GOLGA8S: variants seen among roughly 807,000 people sequenced by gnomAD.
GOLGA8S encodes the protein golgin A8 family member S.
Under a neutral mutation model 58.9 loss-of-function variants are expected in GOLGA8S, and 23 were observed. That is an observed-to-expected ratio of 0.39 (90% CI 0.28 to 0.55). The LOEUF is 0.55. Ranked by LOEUF, GOLGA8S falls within the 20% of genes least tolerant of loss-of-function variation. GOLGA8S has a pLI of 0.63. For missense variants in GOLGA8S, 266 were observed against 514.2 expected (o/e 0.52, Z 4.67); for synonymous variants, 84 against 195.7 (o/e 0.43, Z 4.76).
chr15:23,360,695 C>T (rs1327703296), intron 10 of GOLGA8S, 33 bp from the exon 11 acceptor site: 1 of 1,108,392 alleles, frequency 9.0e-7, no homozygotes. Flanking sequence ...CAGCCCCTCT[C>T]TCCAGGGCCC....
At chr15:23,364,105 G>GT (rs577894944) in intron 15 of GOLGA8S, among the ~76,000 whole-genome samples, 2,280 of 129,732 alleles carry the variant, frequency 0.018, 148 homozygotes, top group East Asian at 0.053. Context: ...AGCAGAGGGT[G>GT]GCTGCCAGCG....
exon 4 of GOLGA8S, chr15:23,357,563 G>A: frequency 8.7e-7 from 1 of 1,154,138 alleles, no homozygotes; most frequent in South Asian, 1.3e-5. Context: ...ACTAGCAGTA[G>A]TCCCAGACTC....
At chr15:23,361,154 C>G (rs1244862329) in intron 11 of GOLGA8S, 67 bp from the exon 12 acceptor site, 1 of 968,818 alleles carries the variant, frequency 1.0e-6, no homozygotes, top group Non-Finnish European at 1.4e-6. Context: ...CTTTTCTTTT[C>G]TTTTCTTTTC....
chr15:23,358,078 C>T (rs1480662539), intron 4 of GOLGA8S, among the ~76,000 whole-genome samples: 1 of 151,136 alleles, frequency 6.6e-6, no homozygotes, highest in Non-Finnish European at 1.5e-5. Flanking sequence ...GCCAAAGGCT[C>T]CTGTCTGTCC....
chr15:23,357,785 C>CT (rs1241628857), intron 4 of GOLGA8S, among the ~76,000 whole-genome samples, 166 bp downstream of exon 4: 2 of 149,110 alleles, frequency 1.3e-5, no homozygotes, highest in Admixed American at 6.7e-5. Flanking sequence ...CAGCATGGCT[C>CT]TTTTTTTGCT....
chr15:23,354,962 A>G (rs571749513), intron 1 of GOLGA8S, 69 bp downstream of exon 1: 1 of 395,712 alleles, frequency 2.5e-6, no homozygotes, highest in African/African-American at 3.2e-5. Context: ...GACTGCTGCC[A>G]GAGTCCATAC....
Position 23,357,494 on chromosome 15 carries a change from T to TC in GOLGA8S, c.229-39dup, listed in dbSNP as rs1567266610. On this transcript the variant is annotated intron_variant, in intron 3 of 18. Transcript: ENST00000562295. ...CCCTAATGATTGTTCTCTCTACCTC[T>TC]CCCCCCACTCCTCCTCCACCTCCTC... is the stretch of plus-strand genomic sequence containing the variant. 2.0e-6 allele frequency: 3 copies of TC among 1,532,782 alleles called. 1 individual carries two copies. The highest frequency in any genetic ancestry group is 2.4e-5 in the South Asian group (2 of 84,048). 94.9% of individuals were successfully genotyped at this position (1,532,782 alleles called of 1,614,324 possible).
chr15:23,368,204 G>A (rs540232188), downstream of GOLGA8S, among the ~76,000 whole-genome samples: 2 of 151,902 alleles, frequency 1.3e-5, no homozygotes, highest in African/African-American at 4.8e-5. Context: ...TTACCAGTTT[G>A]TGAATTCTTG....
chr15:23,361,889 C>G (rs2069809863), intron 13 of GOLGA8S, 97 bp downstream of exon 13: 7 of 919,328 alleles, frequency 7.6e-6, no homozygotes, highest in East Asian at 2.4e-5. Context: ...AGCGGTAGCT[C>G]CAGCCCAGGG....
chr15:23,361,543 C>G, intron 12 of GOLGA8S, 87 bp downstream of exon 12: 1 of 677,312 alleles, frequency 1.5e-6, no homozygotes, highest in Non-Finnish European at 2.6e-6. Flanking sequence ...CAGTGTAGCC[C>G]TCAAGTGAAA....
At chr15:23,359,341 T>G in intron 8 of GOLGA8S, 132 bp downstream of exon 8, 1 of 655,964 alleles carries the variant, frequency 1.5e-6, no homozygotes, top group South Asian at 1.6e-5. Context: ...TGCTTTTTTG[T>G]ATGGTTGTTA....
chr15:23,364,467 C>T (rs559078529), intron 16 of GOLGA8S, 24 bp downstream of exon 16: 13 of 1,604,126 alleles, frequency 8.1e-6, no homozygotes, highest in Non-Finnish European at 1.0e-5. Flanking sequence ...CAGGGCACAG[C>T]AGGGGGAGCT....
At position 23,360,832 on chromosome 15, in the gene GOLGA8S, G is replaced by C; in HGVS notation, c.874+17G>C. On this transcript the variant is annotated intron_variant, in intron 11 of 18. Transcript: ENST00000562295. Reference sequence around the variant, plus strand: ...ACCAGATGGGTAAGATGGGGCTGGCGTGACCTGGCAGCAGGACTGGCATCA... The same window carrying C: ...ACCAGATGGGTAAGATGGGGCTGGCCTGACCTGGCAGCAGGACTGGCATCA... 1 of 1,390,100 alleles carries C rather than the reference G, an allele frequency of 7.2e-7. No individual in the cohort carries two copies. 86.1% of individuals were successfully genotyped at this position (1,390,100 alleles called of 1,614,324 possible).
At position 23,360,786 on chromosome 15, in the gene GOLGA8S, G is replaced by A. The variant is rs781771206; in HGVS notation, c.845G>A (p.Arg282Lys). 29 of 1,434,746 alleles carry A rather than the reference G, an allele frequency of 2.0e-5. No individual in the cohort carries two copies. The African/African-American group carries it at 4.1e-4, about 20-fold the overall frequency. The allele number at this position is 1,434,746 out of a possible 1,614,324, so 88.9% of individuals were successfully genotyped here. ...AAATATCGGGTAGAGACGCTGGAGA[G>A]GAGCTTGTCCAAACTCAAAAACCAG... Residue 282 changes from arginine (R) to lysine (K), a missense_variant, in exon 11 of 19, where the codon AGG becomes AAG. Coordinates refer to ENST00000562295, the Ensembl canonical transcript of GOLGA8S.
intron 8 of GOLGA8S, among the ~76,000 whole-genome samples, chr15:23,359,994 G>C (rs939664739): frequency 1.3e-5 from 2 of 149,640 alleles, no homozygotes; most frequent in African/African-American, 5.0e-5. Flanking sequence ...AATAATAACA[G>C]TAATAACAAC....
intron 8 of GOLGA8S, among the ~76,000 whole-genome samples, chr15:23,359,907 C>T (rs1382728354): frequency 2.0e-5 from 3 of 148,480 alleles, no homozygotes. Flanking sequence ...AACTGTCTCC[C>T]ATGGTGGTTG....
At chr15:23,365,348 G>C (rs969762937), downstream of GOLGA8S, 1 of 625,642 alleles carries the variant, frequency 1.6e-6, no homozygotes, top group African/African-American at 1.9e-5. Context: ...GCATCCTTTA[G>C]CATTTTTCTT....
intron 4 of GOLGA8S, among the ~76,000 whole-genome samples, chr15:23,358,232 G>A (rs1219092823): frequency 2.6e-5 from 4 of 152,396 alleles, no homozygotes; most frequent in South Asian, 2.1e-4. Context: ...GGTTTATATT[G>A]CTGTCCTCTC....
At chr15:23,360,765 A>T (rs2069774706) in exon 11 of GOLGA8S, 1 of 1,360,992 alleles carries the variant, frequency 7.3e-7, no homozygotes, top group South Asian at 1.2e-5. Context: ...CATGATAAAT[A>T]TCGGGTAGAG....
Sources: gnomAD v4.1 joint callset for allele counts (sites outside exome capture counted in the v4.1 genomes callset) on GRCh38, gnomAD v4.1.1 for gene constraint, MANE v1.5 for transcripts, NCBI Gene and HGNC (gene_info 2026-07-23, HGNC 2026-07-21) for gene names.